Variants in LMTK2 observed in about 807,000 individuals in gnomAD.
The protein encoded by LMTK2 is serine/threonine-protein kinase LMTK2.
A neutral mutation model predicts 127.5 loss-of-function variants in LMTK2; 37 were observed. That is an observed-to-expected ratio of 0.29 (90% CI 0.22 to 0.38). LMTK2 has a LOEUF of 0.38. Ranked by LOEUF, LMTK2 falls within the 10% of genes least tolerant of loss-of-function variation. LMTK2 has a pLI of 1.00. For missense variants in LMTK2, 1,694 were observed against 1,920.3 expected, an observed-to-expected ratio of 0.88 and a Z score of 2.20; for synonymous variants, 819 against 810.1, an observed-to-expected ratio of 1.01 and a Z score of -0.19.
intron 1 of LMTK2, among the ~76,000 whole-genome samples, chr7:98,123,698 CAT>C (rs372773524): frequency 5.2e-4 from 70 of 133,966 alleles, no homozygotes; most frequent in African/African-American, 1.7e-3. Flanking sequence ...GGCCAATTTT[CAT>C]ATATACACAC....
At chr7:98,146,821 A>G (rs1796780733) in intron 3 of LMTK2, among the ~76,000 whole-genome samples, 1 of 152,242 alleles carries the variant, frequency 6.6e-6, no homozygotes, top group Non-Finnish European at 1.5e-5. Context: ...GTATTTACCT[A>G]CATAGTTACC....
intron 5 of LMTK2, among the ~76,000 whole-genome samples, chr7:98,157,640 TAAAAAAAA>T (rs34715220): frequency 8.7e-6 from 1 of 114,390 alleles, no homozygotes; most frequent in African/African-American, 3.4e-5. Flanking sequence ...GCTCCCACAT[TAAAAAAAA>T]AAAAAAAAAA....
At chr7:98,110,369 C>T (rs1206344909) in intron 1 of LMTK2, among the ~76,000 whole-genome samples, 3 of 152,112 alleles carry the variant, frequency 2.0e-5, no homozygotes, top group East Asian at 1.9e-4. Context: ...AGCTGGGATG[C>T]CGTTTTGCCC....
At chr7:98,146,804 G>A (rs950822715) in intron 3 of LMTK2, among the ~76,000 whole-genome samples, 4 of 152,106 alleles carry the variant, frequency 2.6e-5, no homozygotes, top group South Asian at 2.1e-4. Context: ...CAGTAATAAC[G>A]GCTTTCGTAT....
At position 98,193,459 on chromosome 7, in the gene LMTK2, C is replaced by T; in HGVS notation, c.2994C>T (p.Asp998=). The change falls in exon 11 of 14, where the codon GAC becomes GAT. Residue 998 remains aspartate, a synonymous_variant. Transcript: ENST00000297293. This position sits in a 1 kb window ranked among gnomAD's most constrained non-coding sequence, Gnocchi z 4.1. ...PASEPSLETP[D]SLESVDVHEA... is the part of the protein sequence containing the mutation. ...CTGAGCCGTCCCTGGAAACCCCGGA[C>T]TCTCTGGAGTCAGTGGATGTCCACG... is the stretch of plus-strand genomic sequence containing the variant. 1 of 1,614,200 alleles carries T rather than the reference C, an allele frequency of 6.2e-7. No homozygotes were observed. Among genetic ancestry groups the T allele is most frequent in the Non-Finnish European group, 8.5e-7 (1 of 1,180,040 alleles).
At chr7:98,161,961 C>T (rs993891402) in intron 6 of LMTK2, among the ~76,000 whole-genome samples, 14 of 152,192 alleles carry the variant, frequency 9.2e-5, no homozygotes, top group African/African-American at 2.9e-4. Context: ...GACAATTGCC[C>T]GTTTCCCGGC....
chr7:98,180,085 A>G (rs1797333176), intron 7 of LMTK2, among the ~76,000 whole-genome samples: 2 of 151,550 alleles, frequency 1.3e-5, no homozygotes, highest in African/African-American at 4.9e-5. Context: ...GAGAAAACAT[A>G]AAATGCCTCT....
In LMTK2 at chr7:98,191,711, C is replaced by T. The variant is rs1251751649; in HGVS notation, c.1246C>T (p.Arg416Trp). 4 of 1,614,172 alleles carry T rather than the reference C, an allele frequency of 2.5e-6. No homozygotes were observed. Among genetic ancestry groups the T allele is most frequent in the Non-Finnish European group, 3.4e-6 (4 of 1,180,022 alleles). ...GACTTACCTGCGGCTGCAGAGCCAG[C>T]GGGACTCAGAGGTCGACTTTGAACA... ...LLTYLRLQSQ[R>W]DSEVDFEQQW... is the part of the protein sequence containing the mutation. Residue 416 changes from arginine to tryptophan, a missense_variant, in exon 11 of 14, where the codon CGG becomes TGG. Physicochemically the swap from Arg to Trp is moderately radical, Grantham distance 101. This residue lies in a region of LMTK2 where 216 missense variants were observed against 266.8 expected (regional missense o/e 0.81). Transcript: ENST00000297293.
chr7:98,201,230 G>C (rs867505176), intron 11 of LMTK2, among the ~76,000 whole-genome samples: 6 of 152,090 alleles, frequency 3.9e-5, no homozygotes, highest in Non-Finnish European at 7.4e-5. Flanking sequence ...GGTCTCTCAT[G>C]AGAAATTTGC....
chr7:98,184,836 C>T (rs755875228), intron 7 of LMTK2, among the ~76,000 whole-genome samples: 1 of 152,196 alleles, frequency 6.6e-6, no homozygotes, highest in Non-Finnish European at 1.5e-5. Context: ...GAGCTAGTTA[C>T]TTGCCTAAAA....
At chr7:98,197,679 C>T (rs894971502) in intron 11 of LMTK2, among the ~76,000 whole-genome samples, 1 of 152,044 alleles carries the variant, frequency 6.6e-6, no homozygotes, top group Non-Finnish European at 1.5e-5. Flanking sequence ...TAATAAGAAC[C>T]GATTTTTAAA....
chr7:98,132,821 A>G (rs1318617426), intron 1 of LMTK2, among the ~76,000 whole-genome samples: 2 of 151,924 alleles, frequency 1.3e-5, no homozygotes, highest in African/African-American at 4.8e-5. Context: ...TTCACAGACA[A>G]CTCTTTAGTT....
intron 6 of LMTK2, among the ~76,000 whole-genome samples, chr7:98,170,575 G>A (rs904438258): frequency 1.3e-4 from 19 of 149,094 alleles, no homozygotes; most frequent in East Asian, 3.9e-4. Context: ...GCCTCCAGCC[G>A]TCTTTTCTTG....
Position 98,208,080 on chromosome 7 carries a change from T to G in LMTK2, c.*2588T>G, listed in dbSNP as rs1797836602. On this transcript the variant is annotated 3_prime_UTR_variant, in exon 14 of 14. Transcript: ENST00000297293. ...GAGCTGAGACCATGCCACTGTACTC[T>G]AGCCTGGGTAACAGCCAGACCCTGT... 1 of 151,692 alleles carries G rather than the reference T, an allele frequency of 6.6e-6. No individual in the cohort carries two copies. Among genetic ancestry groups the G allele is most frequent in the East Asian group, 1.9e-4 (1 of 5,182 alleles). 9.4% of individuals were successfully genotyped at this position (151,692 alleles called of 1,614,324 possible).
chr7:98,151,302 T>C, intron 3 of LMTK2, 80 bp from the exon 4 acceptor site: 3 of 891,620 alleles, frequency 3.4e-6, no homozygotes, highest in Non-Finnish European at 5.1e-6. Context: ...CAAGCCTTTA[T>C]GTTAGTGTTC....
chr7:98,192,607 G>C lies in LMTK2; in HGVS notation c.2142G>C (p.Leu714Phe), dbSNP rs779770783. The C allele has an allele frequency of 1.9e-6, 3 of 1,612,910 alleles. No individual in the cohort carries two copies. The highest frequency in any genetic ancestry group is 3.3e-5 in the Admixed American group (2 of 59,846). ...TGCACCAAGATAATTTTGATCCATT[G>C]AATGTTCAAGAATTGTCAGAAAACT... is the stretch of plus-strand genomic sequence containing the variant. ...NLMHQDNFDP[L>F]NVQELSENFL... The change falls in exon 11 of 14, where the codon TTG (leucine) becomes TTC (phenylalanine). Residue 714 changes from leucine to phenylalanine, a missense_variant. By Grantham distance (22) the Leu-to-Phe change is conservative. Coordinates refer to ENST00000297293, the MANE Select transcript of LMTK2 (RefSeq NM_014916.4).
intron 7 of LMTK2, among the ~76,000 whole-genome samples, chr7:98,179,526 C>T (rs1797321522): frequency 6.6e-6 from 1 of 152,108 alleles, no homozygotes; most frequent in African/African-American, 2.4e-5. Context: ...GATAGAGCAG[C>T]CTTACTTAAA....
intron 1 of LMTK2, among the ~76,000 whole-genome samples, chr7:98,115,748 C>G (rs1031272402): frequency 6.6e-5 from 10 of 152,272 alleles, no homozygotes; most frequent in African/African-American, 2.4e-4. Context: ...GAGATCGCAC[C>G]ACTGTGCCCA....
rs1797528702 is a variant in LMTK2 at position 98,191,783 on chromosome 7, A to G, written c.1318A>G (p.Asn440Asp). The G allele has an allele frequency of 2.5e-6, 4 of 1,614,178 alleles. No homozygotes were observed. In the Middle Eastern group the frequency reaches 4.9e-4, roughly 200 times the overall value. The change falls in exon 11 of 14, where the codon AAC (asparagine) becomes GAC (aspartate). Residue 440 changes from asparagine (N) to aspartate (D), a missense_variant. Around this residue, in one of 8 missense-constraint regions of LMTK2, gnomAD observed 216 missense variants for 266.8 expected, o/e 0.81. Transcript: ENST00000297293. Reference sequence around the variant, plus strand: ...GAACACAAACAGCAGAGACTCCTCCAACAATGCTGCATTCCCAATTCTCGA... The same window carrying G: ...GAACACAAACAGCAGAGACTCCTCCGACAATGCTGCATTCCCAATTCTCGA... ...KPNTNSRDSS[N>D]NAAFPILDHF...
Sources: gnomAD v4.1 joint callset for allele counts (sites outside exome capture counted in the v4.1 genomes callset) on GRCh38, gnomAD v4.1.1 for gene constraint, gnomAD v4.1.1 regional missense constraint, Gnocchi (gnomAD v3.1) non-coding constraint, MANE v1.5 for transcripts, NCBI Gene and HGNC (gene_info 2026-07-23, HGNC 2026-07-21) for gene names.